The following PACRG variants were observed in gnomAD, a reference collection of about 807,000 sequenced individuals.
PACRG encodes parkin coregulated, also known as parkin coregulated gene protein.
PACRG carries 29 observed loss-of-function variants against 29.7 expected under a neutral mutation model. That is an observed-to-expected ratio of 0.98 (90% CI 0.73 to 1.33). The LOEUF (loss-of-function observed/expected upper bound fraction) is 1.33, where lower values mean the gene tolerates loss of function less well. PACRG is among the 40% of genes most tolerant of loss of function. PACRG has a pLI of 0.00. For missense variants in PACRG, 279 were observed against 316.2 expected (o/e 0.88, Z 0.89); for synonymous variants, 116 against 118.7 (o/e 0.98, Z 0.15).
intron 4 of PACRG, among the ~76,000 whole-genome samples, chr6:163,299,762 C>A (rs556665890): frequency 6.6e-6 from 1 of 152,218 alleles, no homozygotes; most frequent in South Asian, 2.1e-4. Flanking sequence ...GCCTGTAGTC[C>A]CAGCTACTCA....
intron 4 of PACRG, among the ~76,000 whole-genome samples, chr6:163,222,725 G>A (rs1781639461): frequency 6.6e-6 from 1 of 152,130 alleles, no homozygotes; most frequent in Non-Finnish European, 1.5e-5. Flanking sequence ...AAAATTAAGA[G>A]ATTTGAACCA....
intron 2 of PACRG, among the ~76,000 whole-genome samples, chr6:162,974,757 ATAT>A (rs1474509233): frequency 1.3e-5 from 2 of 152,126 alleles, no homozygotes; most frequent in Non-Finnish European, 2.9e-5. Flanking sequence ...TATCCGGGAG[ATAT>A]TATTATCTCC....
At chr6:163,093,597 C>T (rs1814311866) in intron 4 of PACRG, among the ~76,000 whole-genome samples, 2 of 152,192 alleles carry the variant, frequency 1.3e-5, no homozygotes, top group African/African-American at 4.8e-5. Context: ...GGCTCTCCGA[C>T]AGGCCTGTTT....
At chr6:163,078,872 C>T (rs1812804901) in intron 3 of PACRG, among the ~76,000 whole-genome samples, 1 of 152,216 alleles carries the variant, frequency 6.6e-6, no homozygotes, top group Admixed American at 6.5e-5. Flanking sequence ...CGAATGCCTG[C>T]TCAAAGTCCA....
intron 2 of PACRG, among the ~76,000 whole-genome samples, chr6:162,973,219 G>A (rs1407035393): frequency 1.3e-5 from 2 of 152,222 alleles, no homozygotes; most frequent in African/African-American, 4.8e-5. Flanking sequence ...GCACTGACCA[G>A]TCATGAGGCA....
At chr6:162,791,388 T>C (rs1371866270) in intron 1 of PACRG, among the ~76,000 whole-genome samples, 1 of 149,654 alleles carries the variant, frequency 6.7e-6, no homozygotes, top group Non-Finnish European at 1.5e-5. Flanking sequence ...TAGTGTCACC[T>C]TTGATTCTCC....
intron 4 of PACRG, among the ~76,000 whole-genome samples, chr6:163,166,959 A>C (rs1177654952): frequency 6.6e-6 from 1 of 152,254 alleles, no homozygotes; most frequent in Non-Finnish European, 1.5e-5. Context: ...TTTGTGTTAA[A>C]AATCTGCATG....
chr6:162,728,066 C>A lies in PACRG; in HGVS notation c.-170C>A. 1 of 812,492 alleles carries A rather than the reference C, an allele frequency of 1.2e-6. No homozygotes were observed. Among genetic ancestry groups the A allele is most frequent in the Non-Finnish European group, 2.0e-6 (1 of 507,354 alleles). 50.3% of individuals were successfully genotyped at this position (812,492 alleles called of 1,614,324 possible). On this transcript the variant is annotated 5_prime_UTR_variant, in exon 1 of 5. Transcript: ENST00000366888. The stretch of plus-strand genomic sequence containing the variant: ...CGCCCCGCCCCTAGGGTCCAGCTCC[C>A]TTCACCTAGGAGCTGCCAAACATCT...
In PACRG at chr6:163,015,702, C is replaced by A. The variant is rs187683416; in HGVS notation, c.292-46448C>A. On this transcript the variant is annotated intron_variant, in intron 2 of 4. Coordinates refer to ENST00000366888, the MANE Select transcript of PACRG (RefSeq NM_001080379.2). Reference sequence around the variant, plus strand: ...GATTTTTATACATTGATTTTGTATCCTGAAACTCTGCTGAAATAGTTTATC... The same window carrying A: ...GATTTTTATACATTGATTTTGTATCATGAAACTCTGCTGAAATAGTTTATC... Among the ~76,000 whole-genome samples the A allele has an allele frequency of 1.6e-3, 247 of 152,128 alleles. 1 individual carries two copies. Among genetic ancestry groups the A allele is most frequent in the African/African-American group, 5.6e-3 (232 of 41,518 alleles).
intron 2 of PACRG, among the ~76,000 whole-genome samples, chr6:162,879,142 CACAAGA>C (rs1433189077): frequency 6.6e-6 from 1 of 152,132 alleles, no homozygotes; most frequent in Non-Finnish European, 1.5e-5. Context: ...TCTATCAAAT[CACAAGA>C]ACAATATCAA....
chr6:162,965,002 G>A (rs533445399), intron 2 of PACRG, among the ~76,000 whole-genome samples: 5 of 152,274 alleles, frequency 3.3e-5, no homozygotes, highest in Non-Finnish European at 4.4e-5. Context: ...ATTGGAACTC[G>A]CTGAGCTGTT....
chr6:163,012,302 C>T (rs1805688906), intron 2 of PACRG, among the ~76,000 whole-genome samples: 1 of 152,178 alleles, frequency 6.6e-6, no homozygotes, highest in African/African-American at 2.4e-5. Context: ...GGGGGAAACT[C>T]AGCATCTGCA....
chr6:163,054,034 T>C (rs1415189771), intron 2 of PACRG: 1 of 152,176 alleles, frequency 6.6e-6, no homozygotes, highest in Non-Finnish European at 1.5e-5. Context: ...AACAGGGTGA[T>C]AGACAATAGT....
intron 1 of PACRG, among the ~76,000 whole-genome samples, chr6:162,791,832 C>T (rs1242193397): frequency 1.3e-5 from 2 of 152,150 alleles, no homozygotes; most frequent in African/African-American, 4.8e-5. Flanking sequence ...GGGACAAGTT[C>T]TAATGACACC....
chr6:162,937,688 G>A (rs1008162287), intron 2 of PACRG, among the ~76,000 whole-genome samples: 9 of 152,062 alleles, frequency 5.9e-5, no homozygotes, highest in African/African-American at 1.7e-4. Flanking sequence ...GTAATGTAAG[G>A]CTTGTGGGTA....
chr6:163,210,236 C>G lies in PACRG; in HGVS notation c.614-104591C>G, dbSNP rs555822292. 5.9e-5 allele frequency among the ~76,000 whole-genome samples: 9 copies of G among 152,208 alleles called. No homozygotes were observed. The South Asian group carries it at 1.7e-3, about 28-fold the overall frequency. On this transcript the variant is annotated intron_variant, in intron 4 of 4. Transcript: ENST00000366888. ...CTTTCTGCTCTTTAATGGACTTTAC[C>G]TGTGACCCAAATATATTCCTTCTAA...
intron 4 of PACRG, among the ~76,000 whole-genome samples, chr6:163,224,376 A>C (rs1402766094): frequency 7.2e-6 from 1 of 139,736 alleles, no homozygotes; most frequent in Non-Finnish European, 1.5e-5. Flanking sequence ...CTCAAAAAAA[A>C]AAAAAAAAAA....
At chr6:162,949,715 A>C (rs1431640785) in intron 2 of PACRG, among the ~76,000 whole-genome samples, 2 of 152,218 alleles carry the variant, frequency 1.3e-5, no homozygotes, top group Admixed American at 1.3e-4. Flanking sequence ...GAGTGAGGGC[A>C]GAAACTAAGT....
chr6:163,225,860 A>G (rs1781773151), intron 4 of PACRG, among the ~76,000 whole-genome samples: 1 of 152,188 alleles, frequency 6.6e-6, no homozygotes, highest in East Asian at 1.9e-4. Context: ...ACATATACAC[A>G]ATGGAATACT....
Sources: allele counts gnomAD v4.1 joint callset (sites outside exome capture counted in the v4.1 genomes callset), GRCh38; gene constraint gnomAD v4.1.1; transcripts MANE v1.5; gene names NCBI Gene and HGNC (gene_info 2026-07-23, HGNC 2026-07-21).